Variants in CDH20 observed in about 807,000 individuals in gnomAD.
The protein encoded by CDH20 is cadherin-20.
Under a neutral mutation model 74.2 loss-of-function variants are expected in CDH20, and 29 were observed. The observed-to-expected ratio is 0.39, with a 90% CI of 0.29 to 0.53. The LOEUF (loss-of-function observed/expected upper bound fraction) is 0.53. Among genes scored for constraint, CDH20 ranks in the 20% least tolerant of loss-of-function variants. The pLI, the probability that CDH20 is intolerant of heterozygous loss-of-function variation, is 0.69. For missense variants in CDH20, 988 were observed against 1,048.3 expected (o/e 0.94, Z 0.79); for synonymous variants, 469 against 405.4 (o/e 1.16, Z -1.88).
At chr18:61,493,228 C>A (rs1284245978) in intron 2 of CDH20, among the ~76,000 whole-genome samples, 1 of 152,078 alleles carries the variant, frequency 6.6e-6, no homozygotes, top group East Asian at 1.9e-4. Context: ...TATTTCTGTG[C>A]CAGTTTCTCT....
intron 1 of CDH20, among the ~76,000 whole-genome samples, chr18:61,340,577 A>G (rs1397798164): frequency 2.0e-5 from 3 of 152,190 alleles, no homozygotes; most frequent in African/African-American, 7.2e-5. Context: ...TTGAGCACTA[A>G]GTGTACTCAT....
chr18:61,337,513 A>G (rs1218255270), intron 1 of CDH20, among the ~76,000 whole-genome samples: 1 of 152,314 alleles, frequency 6.6e-6, no homozygotes, highest in African/African-American at 2.4e-5. Flanking sequence ...TTTGTTTTCT[A>G]TTATGAAACA....
At position 61,490,729 on chromosome 18, in the gene CDH20, G is replaced by A; in HGVS notation, c.176G>A (p.Arg59Lys). The A allele has an allele frequency of 6.2e-7, 1 of 1,614,170 alleles. No homozygotes were observed. Among genetic ancestry groups the A allele is most frequent in the Non-Finnish European group, 8.5e-7 (1 of 1,180,028 alleles). ...DKPQSHQRTK[R>K]SWVWNQFFVL... ...CCACAGTCACATCAGCGGACCAAGA[G>A]GAGCTGGGTTTGGAACCAGTTTTTC... Residue 59 changes from arginine to lysine, a missense_variant, in exon 2 of 12, where the codon AGG becomes AAG. Coordinates refer to ENST00000262717, the MANE Select transcript of CDH20 (RefSeq NM_031891.4).
At chr18:61,446,543 C>T (rs56346706) in intron 1 of CDH20, among the ~76,000 whole-genome samples, 2 of 152,122 alleles carry the variant, frequency 1.3e-5, no homozygotes, top group Non-Finnish European at 1.5e-5. Context: ...TTTACACCCT[C>T]TTCATTATCT....
At chr18:61,528,244 TC>T in intron 7 of CDH20, 24 bp downstream of exon 7, 1 of 1,609,988 alleles carries the variant, frequency 6.2e-7, no homozygotes, top group Admixed American at 1.7e-5. Flanking sequence ...TTTCACCTTT[TC>T]CTTATATGCT....
chr18:61,517,305 G>A (rs982637631), intron 6 of CDH20, among the ~76,000 whole-genome samples: 7 of 152,228 alleles, frequency 4.6e-5, no homozygotes, highest in African/African-American at 1.7e-4. Context: ...CAAGATGGCT[G>A]AATAGGAAAA....
intron 1 of CDH20, among the ~76,000 whole-genome samples, chr18:61,415,231 A>G (rs1568130343): frequency 1.3e-5 from 2 of 152,140 alleles, no homozygotes; most frequent in Admixed American, 6.5e-5. Flanking sequence ...AATCATCGTC[A>G]TTTATCATCT....
In CDH20 at chr18:61,554,302, CGAG is replaced by C; in HGVS notation, c.2019_2021del (p.Glu673del). 3.7e-6 allele frequency: 6 copies of C among 1,613,866 alleles called. No individual in the cohort carries two copies. The highest frequency in any genetic ancestry group is 2.2e-5 in the East Asian group (1 of 44,876). ...TCCGCTACGACGACGAGGGCGGCGG[CGAG>C]GAGGACACCGAGGCCTTCGACATCG... On this transcript the variant is annotated inframe_deletion, in exon 12 of 12. Transcript: ENST00000262717.
At chr18:61,445,421 G>A (rs1909166480) in intron 1 of CDH20, among the ~76,000 whole-genome samples, 1 of 152,114 alleles carries the variant, frequency 6.6e-6, no homozygotes, top group Admixed American at 6.5e-5. Flanking sequence ...TAACCTCTAA[G>A]TTTTCCTAAT....
chr18:61,390,194 A>G (rs989111171), intron 1 of CDH20, among the ~76,000 whole-genome samples: 3 of 152,094 alleles, frequency 2.0e-5, no homozygotes, highest in African/African-American at 2.4e-5. Context: ...TCGAAACAGC[A>G]CCCAGCATAT....
At chr18:61,428,888 C>T (rs75524574) in intron 1 of CDH20, among the ~76,000 whole-genome samples, 90 of 152,344 alleles carry the variant, frequency 5.9e-4, no homozygotes, top group Non-Finnish European at 8.4e-4. Flanking sequence ...TACAGGTTTA[C>T]GCTAGAACAC....
At chr18:61,420,915 G>C (rs770445045) in intron 1 of CDH20, among the ~76,000 whole-genome samples, 2 of 152,098 alleles carry the variant, frequency 1.3e-5, no homozygotes, top group Non-Finnish European at 2.9e-5. Context: ...CTAGCTGGGC[G>C]TGTGGCGTGC....
intron 1 of CDH20, among the ~76,000 whole-genome samples, chr18:61,418,614 C>T (rs1912778624): frequency 7.5e-6 from 1 of 133,002 alleles, no homozygotes; most frequent in African/African-American, 2.8e-5. Context: ...TTTTCTAATA[C>T]AATTTACCAT....
At chr18:61,515,159 G>C (rs554888210) in intron 6 of CDH20, among the ~76,000 whole-genome samples, 3 of 151,438 alleles carry the variant, frequency 2.0e-5, no homozygotes, top group African/African-American at 7.3e-5. Context: ...GAGACTCCGT[G>C]GGCCTAGGAC....
chr18:61,548,750 A>C (rs1239509312), intron 10 of CDH20, among the ~76,000 whole-genome samples: 1 of 152,242 alleles, frequency 6.6e-6, no homozygotes, highest in East Asian at 1.9e-4. Flanking sequence ...AACTACAGCA[A>C]GGAAAGAGCA....
Position 61,335,292 on chromosome 18 carries a change from G to C in CDH20, c.-153+1465G>C, listed in dbSNP as rs150716362. Among the ~76,000 whole-genome samples, 279 of 152,280 alleles carry C rather than the reference G, an allele frequency of 1.8e-3. 1 individual carries two copies. Among genetic ancestry groups the C allele is most frequent in the African/African-American group, 6.4e-3 (266 of 41,550 alleles). ...TGAAAGGATTCAGGTCCTGACACTGGAGGAATCCGTAAGGGCACCTGTGGT... is the reference window on the plus strand; with the variant it reads ...TGAAAGGATTCAGGTCCTGACACTGCAGGAATCCGTAAGGGCACCTGTGGT... On this transcript the variant is annotated intron_variant, in intron 1 of 11. Coordinates refer to ENST00000262717, the MANE Select transcript of CDH20 (RefSeq NM_031891.4).
At chr18:61,543,621 C>G (rs189855384) in intron 9 of CDH20, among the ~76,000 whole-genome samples, 2 of 152,344 alleles carry the variant, frequency 1.3e-5, no homozygotes, top group Non-Finnish European at 2.9e-5. Flanking sequence ...ACCTCCTGCT[C>G]TCCCCACTCC....
At chr18:61,427,449 C>A (rs575213948) in intron 1 of CDH20, among the ~76,000 whole-genome samples, 1 of 151,990 alleles carries the variant, frequency 6.6e-6, no homozygotes, top group Non-Finnish European at 1.5e-5. Context: ...GGTTTCAGGG[C>A]CTATGTGCTT....
At chr18:61,404,880 G>T in intron 1 of CDH20, 1 of 621,398 alleles carries the variant, frequency 1.6e-6, no homozygotes, top group Admixed American at 2.2e-5. Context: ...AGTCTGTTCT[G>T]GCATGCTTCT....
Sources: allele counts gnomAD v4.1 joint callset (sites outside exome capture counted in the v4.1 genomes callset), GRCh38; gene constraint gnomAD v4.1.1; transcripts MANE v1.5; gene names NCBI Gene and HGNC (gene_info 2026-07-23, HGNC 2026-07-21).